SYBU: variants seen among roughly 807,000 people sequenced by gnomAD.
The protein encoded by SYBU is syntabulin.
A neutral mutation model predicts 35.9 loss-of-function variants in SYBU; 21 were observed. The observed-to-expected ratio is 0.58, with a 90% CI of 0.41 to 0.84. The LOEUF is 0.84. Ranked by LOEUF, SYBU falls within the 40% of genes least tolerant of loss-of-function variation. The pLI is 0.00. For missense variants in SYBU, 768 were observed against 848.2 expected (o/e 0.91, Z 1.17); for synonymous variants, 319 against 324.3 (o/e 0.98, Z 0.18).
At position 109,607,985 on chromosome 8, in the gene SYBU, T is replaced by G. The variant is rs937091530; in HGVS notation, c.427+10857A>C. On this transcript the variant is annotated intron_variant, in intron 3 of 6. Transcript: ENST00000276646. ...CAGCCTCCCAGCACAGGCTGGGGTATGTCTTTTGCAGAAATACAGTGTGTG... is the reference window on the plus strand; with the variant it reads ...CAGCCTCCCAGCACAGGCTGGGGTAGGTCTTTTGCAGAAATACAGTGTGTG... 4 of 1,533,484 alleles carry G rather than the reference T, an allele frequency of 2.6e-6. No homozygotes were observed. The Admixed American group carries it at 5.9e-5, about 23-fold the overall frequency. The allele number at this position is 1,533,484 out of a possible 1,614,324, so 95.0% of individuals were successfully genotyped here.
chr8:109,655,951 C>T (rs1361954276), intron 1 of SYBU, among the ~76,000 whole-genome samples: 1 of 151,976 alleles, frequency 6.6e-6, no homozygotes, highest in African/African-American at 2.4e-5. Flanking sequence ...CCCATCTCTA[C>T]TAAAAATATA....
chr8:109,603,234 A>T lies in SYBU; in HGVS notation c.427+15608T>A, dbSNP rs75188696. 435 of 182,136 alleles carry T rather than the reference A, an allele frequency of 2.4e-3. 6 individuals carry two copies. The highest frequency in any genetic ancestry group is 0.02 in the Admixed American group (314 of 15,342). The allele number at this position is 182,136 out of a possible 1,614,324, so 11.3% of individuals were successfully genotyped here. On this transcript the variant is annotated intron_variant, in intron 3 of 6. Transcript: ENST00000276646. ...CCTCATACCATTGTCTATCAATTGA[A>T]AATTATTCTAACTCTCAAGCTTCTG...
At chr8:109,689,196 A>C (rs1448548201) in intron 1 of SYBU, among the ~76,000 whole-genome samples, 2 of 152,204 alleles carry the variant, frequency 1.3e-5, no homozygotes, top group African/African-American at 2.4e-5. Flanking sequence ...TAGTACAGAG[A>C]GATCCCATGT....
chr8:109,622,221 CTATCATCT>C (rs200024036), intron 2 of SYBU, among the ~76,000 whole-genome samples: 3 of 144,416 alleles, frequency 2.1e-5, no homozygotes, highest in East Asian at 2.2e-4. Flanking sequence ...ATCTATCTAT[CTATCATCT>C]ATCTATCTAT....
intron 3 of SYBU, among the ~76,000 whole-genome samples, chr8:109,588,867 C>A (rs1586753231): frequency 6.6e-6 from 1 of 152,096 alleles, no homozygotes; most frequent in African/African-American, 2.4e-5. Flanking sequence ...AACCTAAAAA[C>A]ATAGAAACTC....
At chr8:109,624,320 A>G (rs1429218504) in intron 2 of SYBU, among the ~76,000 whole-genome samples, 1 of 152,264 alleles carries the variant, frequency 6.6e-6, no homozygotes, top group Non-Finnish European at 1.5e-5. Flanking sequence ...GGAAAGAATT[A>G]GCATATATTT....
chr8:109,587,577 C>A (rs1196073759), intron 3 of SYBU, among the ~76,000 whole-genome samples: 6 of 152,194 alleles, frequency 3.9e-5, no homozygotes, highest in Non-Finnish European at 8.8e-5. Context: ...ACCATAGGTA[C>A]AAGATGTGGC....
At chr8:109,631,807 T>C (rs1382156765) in intron 2 of SYBU, among the ~76,000 whole-genome samples, 1 of 152,208 alleles carries the variant, frequency 6.6e-6, no homozygotes, top group Admixed American at 6.5e-5. Context: ...CTTTATCTTA[T>C]TTTTTCTTTC....
chr8:109,620,007 G>A (rs1037236303), intron 2 of SYBU, among the ~76,000 whole-genome samples: 5 of 152,110 alleles, frequency 3.3e-5, no homozygotes, highest in African/African-American at 7.2e-5. Flanking sequence ...TAATATGCAC[G>A]ATATGAAGTG....
At position 109,618,977 on chromosome 8, in the gene SYBU, T is replaced by C. The variant is rs750651948; in HGVS notation, c.292A>G (p.Asn98Asp). Residue 98 changes from asparagine (N) to aspartate (D), a missense_variant, in exon 3 of 7, where the codon AAC (asparagine) becomes GAC (aspartate). Physicochemically the swap from Asn to Asp is conservative, Grantham distance 23. Transcript: ENST00000276646. ...SPVKTPSDAG[N>D]SPIGFCPGSD... ...CCAGGGCAAAAGCCAATGGGGCTGTTTCCAGCATCTGAGGGTGTCTTCACA... is the reference window on the plus strand; with the variant it reads ...CCAGGGCAAAAGCCAATGGGGCTGTCTCCAGCATCTGAGGGTGTCTTCACA... The C allele has an allele frequency of 1.1e-5, 18 of 1,614,176 alleles. 1 individual carries two copies. The East Asian group carries it at 3.3e-4, about 30-fold the overall frequency.
upstream of SYBU, among the ~76,000 whole-genome samples, chr8:109,684,012 C>T (rs1447339332): frequency 1.3e-5 from 2 of 152,162 alleles, no homozygotes; most frequent in African/African-American, 2.4e-5. Flanking sequence ...AACCTCTTTC[C>T]TTTATAAATT....
intron 3 of SYBU, among the ~76,000 whole-genome samples, chr8:109,590,647 T>G (rs557915440): frequency 6.6e-6 from 1 of 151,800 alleles, no homozygotes; most frequent in African/African-American, 2.4e-5. Context: ...TCCAACTATA[T>G]GAAATGAAAC....
chr8:109,688,058 T>G (rs202008014), intron 1 of SYBU, among the ~76,000 whole-genome samples: 2 of 152,224 alleles, frequency 1.3e-5, no homozygotes, highest in Non-Finnish European at 2.9e-5. Context: ...GTTGTGTCAT[T>G]GTACAGTGTT....
intron 1 of SYBU, among the ~76,000 whole-genome samples, chr8:109,677,889 C>T (rs1316688300): frequency 6.6e-6 from 1 of 152,024 alleles, no homozygotes; most frequent in African/African-American, 2.4e-5. Flanking sequence ...AATCCCAGCA[C>T]TTTGGCAGGG....
At chr8:109,599,226 C>T (rs142355652) in intron 3 of SYBU, among the ~76,000 whole-genome samples, 221 of 152,312 alleles carry the variant, frequency 1.5e-3, no homozygotes, top group Middle Eastern at 0.014. Flanking sequence ...GCACAGTAAA[C>T]CCTGGGGCTG....
At chr8:109,609,214 TA>T (rs1190009506) in intron 3 of SYBU, among the ~76,000 whole-genome samples, 2 of 152,202 alleles carry the variant, frequency 1.3e-5, no homozygotes, top group African/African-American at 2.4e-5. Context: ...GGCTCTCTCC[TA>T]ATTACCTTCT....
At chr8:109,677,046 G>A (rs1339797283) in intron 1 of SYBU, among the ~76,000 whole-genome samples, 2 of 152,060 alleles carry the variant, frequency 1.3e-5, no homozygotes, top group African/African-American at 4.8e-5. Context: ...GTGTGTGTGT[G>A]TGTGTGTGTG....
At position 109,579,973 on chromosome 8, in the gene SYBU, G is replaced by A. The variant is rs1254261939; in HGVS notation, c.560C>T (p.Ala187Val). 25 of 1,613,114 alleles carry A rather than the reference G, an allele frequency of 1.5e-5. No homozygotes were observed. Among genetic ancestry groups the A allele is most frequent in the Non-Finnish European group, 2.1e-5 (25 of 1,180,040 alleles). Reference sequence around the variant, plus strand: ...GCTGCTGCCAGGCTTGTGTGACGAAGCTCCATTACTCCGCCCATGAGGACC... The same window carrying A: ...GCTGCTGCCAGGCTTGTGTGACGAAACTCCATTACTCCGCCCATGAGGACC... ...NRGPHGRSNG[A>V]SSHKPGSSPS... Residue 187 changes from alanine (A) to valine (V), a missense_variant, in exon 5 of 7, where the codon GCT becomes GTT. By Grantham distance (64) the Ala-to-Val change is moderately conservative. Transcript: ENST00000276646.
rs60330422 is a variant in SYBU at position 109,668,165 on chromosome 8, G to GGAGAGAGAGA, written c.-129+12536_-129+12545dup. On this transcript the variant is annotated intron_variant, in intron 1 of 5. Transcript: ENST00000408889. ...GAAGAAGAGGCAGAGGGGGAGAGGG[G>GGAGAGAGAGA]GAGAGAGAGAGAGAGAGAGAGAGAG... Among the ~76,000 whole-genome samples the GGAGAGAGAGA allele has an allele frequency of 4.3e-3, 383 of 89,024 alleles. 22 individuals carry two copies. The highest frequency in any genetic ancestry group is 0.011 in the Middle Eastern group (1 of 90). 58.4% of individuals were successfully genotyped at this position (89,024 alleles called of 152,430 possible).
Sources: allele counts gnomAD v4.1 joint callset (sites outside exome capture counted in the v4.1 genomes callset), GRCh38; gene constraint gnomAD v4.1.1; transcripts MANE v1.5; gene names NCBI Gene and HGNC (gene_info 2026-07-23, HGNC 2026-07-21).